PCDHGA5: variants seen among roughly 807,000 people sequenced by gnomAD.
The protein encoded by PCDHGA5 is protocadherin gamma-A5.
In PCDHGA5, 36 loss-of-function variants were observed where a neutral mutation model predicts 56.7. That is an observed-to-expected ratio of 0.64 (90% CI 0.49 to 0.84). PCDHGA5 has a LOEUF of 0.84. Ranked by LOEUF, PCDHGA5 falls within the 40% of genes least tolerant of loss-of-function variation. The pLI, the probability that PCDHGA5 is intolerant of heterozygous loss-of-function variation, is 0.00. For missense variants in PCDHGA5, 1,305 were observed against 1,201.5 expected (o/e 1.09, Z -1.27); for synonymous variants, 563 against 520.2 (o/e 1.08, Z -1.12).
chr5:141,372,295 A>T (rs747911536), intron 1 of PCDHGA5: 2 of 1,613,304 alleles, frequency 1.2e-6, no homozygotes, highest in Non-Finnish European at 1.7e-6. Context: ...ACCTTGGGCG[A>T]CAGGGAGGCC....
rs1476081470 is a variant in PCDHGA5, at chr5:141,432,757, C to G, written c.2422-62050C>G. 2.5e-6 allele frequency: 4 copies of G among 1,614,150 alleles called. No homozygotes were observed. The highest frequency in any genetic ancestry group is 1.3e-5 in the African/African-American group (1 of 75,076). ...TCACGCTCACCGTGGCCGTGGCCGA[C>G]AGCATCCCCCAAGTCCTGGCGGACC... On this transcript the variant is annotated intron_variant, in intron 1 of 3. Coordinates refer to ENST00000518069, the MANE Select transcript of PCDHGA5 (RefSeq NM_018918.3). This position sits in a 1 kb window ranked among gnomAD's most constrained non-coding sequence, Gnocchi z 6.0.
At position 141,489,562 on chromosome 5, in the gene PCDHGA5, G is replaced by A. The variant is rs770734883; in HGVS notation, c.2422-5245G>A. ...CACCAGCTGCCTGCTGCCAGTGCAG[G>A]TGGTGACTGAACACCCCCTGGAGCT... On this transcript the variant is annotated intron_variant, in intron 1 of 3. Coordinates refer to ENST00000518069, the MANE Select transcript of PCDHGA5 (RefSeq NM_018918.3). The surrounding 1 kb of genome is among the most constrained non-coding windows in gnomAD (Gnocchi z 4.5). 2 of 1,614,114 alleles carry A rather than the reference G, an allele frequency of 1.2e-6. No homozygotes were observed. Among genetic ancestry groups the A allele is most frequent in the Non-Finnish European group, 1.7e-6 (2 of 1,180,028 alleles).
chr5:141,370,882 G>T, intron 1 of PCDHGA5: 1 of 1,614,012 alleles, frequency 6.2e-7, no homozygotes, highest in Non-Finnish European at 8.5e-7. Context: ...CCTGATGTAG[G>T]TGTCAATTCG....
At chr5:141,423,227 A>C (rs1305722929) in intron 1 of PCDHGA5, 5 of 1,613,634 alleles carry the variant, frequency 3.1e-6, no homozygotes, top group Non-Finnish European at 2.5e-6. Context: ...GCTGTGGCCG[A>C]CAGCATCCCC....
At chr5:141,385,088 G>A in intron 1 of PCDHGA5, 2 of 1,614,226 alleles carry the variant, frequency 1.2e-6, no homozygotes, top group Non-Finnish European at 1.7e-6. Flanking sequence ...GCTTCAGAAG[G>A]TGGCTTGGCG....
intron 1 of PCDHGA5, among the ~76,000 whole-genome samples, chr5:141,464,197 G>A (rs1216682352): frequency 3.3e-5 from 5 of 151,394 alleles, no homozygotes; most frequent in African/African-American, 9.7e-5. Context: ...TTCAGGAGGC[G>A]GAGATTGCAG....
At position 141,365,948 on chromosome 5, in the gene PCDHGA5, C is replaced by A. The variant is rs761134623; in HGVS notation, c.1618C>A (p.Pro540Thr). The change falls in exon 1 of 4, where the codon CCT (proline) becomes ACT (threonine). Residue 540 changes from proline to threonine, a missense_variant. Pro to Thr is a conservative substitution (Grantham distance 38, BLOSUM62 -1). Coordinates refer to ENST00000518069, the MANE Select transcript of PCDHGA5 (RefSeq NM_018918.3). Reference sequence around the variant, plus strand: ...GGTGACAGCCAGCGACAGTGGGAACCCTCCACTTAGCAGCAACGTGTCGCT... The same window carrying A: ...GGTGACAGCCAGCGACAGTGGGAACACTCCACTTAGCAGCAACGTGTCGCT... Reference protein sequence around the residue: ...LWVTASDSGNPPLSSNVSLSL... With the variant: ...LWVTASDSGNTPLSSNVSLSL... The A allele has an allele frequency of 1.2e-6, 2 of 1,614,186 alleles. No homozygotes were observed. Among genetic ancestry groups the A allele is most frequent in the Admixed American group, 3.3e-5 (2 of 60,024 alleles).
chr5:141,476,238 G>C lies in PCDHGA5; in HGVS notation c.2422-18569G>C, dbSNP rs764976894. ...ATTCACTATGAGATCCCGGAGGAAA[G>C]AGAGAAGGGTTTCGCTGTGGGCAAC... On this transcript the variant is annotated intron_variant, in intron 1 of 3. Coordinates refer to ENST00000518069, the MANE Select transcript of PCDHGA5 (RefSeq NM_018918.3). The surrounding 1 kb of genome is among the most constrained non-coding windows in gnomAD (Gnocchi z 7.6). 1 of 1,614,098 alleles carries C rather than the reference G, an allele frequency of 6.2e-7. No individual in the cohort carries two copies.
In PCDHGA5 at chr5:141,490,023, G is replaced by A. The variant is rs1306715385; in HGVS notation, c.2422-4784G>A. The A allele has an allele frequency of 1.2e-6, 2 of 1,614,134 alleles. No homozygotes were observed. Among genetic ancestry groups the A allele is most frequent in the Non-Finnish European group, 1.7e-6 (2 of 1,180,060 alleles). On this transcript the variant is annotated intron_variant, in intron 1 of 3. Transcript: ENST00000518069. This position sits in a 1 kb window ranked among gnomAD's most constrained non-coding sequence, Gnocchi z 5.4. ...AGAATGCACCCATTGGTACTCTGCT[G>A]CTCCGCCTCAATGCCACTGATCCAG... is the stretch of plus-strand genomic sequence containing the variant.
Position 141,490,711 on chromosome 5 carries a change from T to C in PCDHGA5, c.2422-4096T>C. ...CACTGGGGATAATGCCCGCCTCACC[T>C]ACTCCATTGTAGGAAATCAGGTTCA... On this transcript the variant is annotated intron_variant, in intron 1 of 3. Transcript: ENST00000518069. The surrounding 1 kb of genome is among the most constrained non-coding windows in gnomAD (Gnocchi z 5.4). The C allele has an allele frequency of 6.2e-7, 1 of 1,614,200 alleles. No individual in the cohort carries two copies. Among genetic ancestry groups the C allele is most frequent in the Non-Finnish European group, 8.5e-7 (1 of 1,180,002 alleles).
intron 1 of PCDHGA5, chr5:141,385,331 C>T (rs1235160402): frequency 6.3e-7 from 1 of 1,585,046 alleles, no homozygotes; most frequent in African/African-American, 1.4e-5. Flanking sequence ...CAGGTGAGCC[C>T]AGCCCTTCCT....
rs745612756 is a variant in PCDHGA5 at position 141,487,150 on chromosome 5, T to C, written c.2422-7657T>C. The C allele has an allele frequency of 1.1e-5, 17 of 1,613,960 alleles. No individual in the cohort carries two copies. In the South Asian group the frequency reaches 1.6e-4, roughly 16 times the overall value. On this transcript the variant is annotated intron_variant, in intron 1 of 3. Transcript: ENST00000518069. This position sits in a 1 kb window ranked among gnomAD's most constrained non-coding sequence, Gnocchi z 5.0. The stretch of plus-strand genomic sequence containing the variant: ...GTAGTCCACCACTCTCTACCTCTGT[T>C]ACTCTCTTAGTGTCCTTAGAGGAAG...
At chr5:141,399,653 TG>T in intron 1 of PCDHGA5, 1 of 1,613,606 alleles carries the variant, frequency 6.2e-7, no homozygotes, top group Non-Finnish European at 8.5e-7. Flanking sequence ...CAAAGTGGGG[TG>T]GTGTTCGCGC....
intron 1 of PCDHGA5, chr5:141,414,963 G>T (rs2095808106): frequency 1.1e-5 from 17 of 1,614,006 alleles, no homozygotes; most frequent in Non-Finnish European, 1.4e-5. Context: ...CCAAGGTGGT[G>T]GCGGTGGACA....
intron 1 of PCDHGA5, chr5:141,410,075 GAGGTGCGCAC>G: frequency 6.2e-7 from 1 of 1,612,898 alleles, no homozygotes; most frequent in East Asian, 2.2e-5. Context: ...GCGCACTGGG[GAGGTGCGCAC>G]GGCTCGAGCC....
chr5:141,370,832 T>C, intron 1 of PCDHGA5: 1 of 1,614,018 alleles, frequency 6.2e-7, no homozygotes. Flanking sequence ...GCGAACTGGC[T>C]CTCACTGGAG....
Position 141,423,666 on chromosome 5 carries a change from AT to A in PCDHGA5, c.2421+56918del, listed in dbSNP as rs1184681047. 2.7e-6 allele frequency: 4 copies of A among 1,494,382 alleles called. No individual in the cohort carries two copies. The South Asian group carries it at 5.0e-5, about 19-fold the overall frequency. The allele number at this position is 1,494,382 out of a possible 1,614,324, so 92.6% of individuals were successfully genotyped here. A position where few individuals can be genotyped will look rare whatever the true frequency, so the allele number is the denominator to read the frequency against. ...GTGACCCGACAAGTAATCAGGTGAGATTTATTTCTCTGCCTCCTAATTGTTG... is the reference window on the plus strand; with the variant it reads ...GTGACCCGACAAGTAATCAGGTGAGATTATTTCTCTGCCTCCTAATTGTTG... On this transcript the variant is annotated intron_variant, in intron 1 of 3. Coordinates refer to ENST00000518069, the MANE Select transcript of PCDHGA5 (RefSeq NM_018918.3).
In PCDHGA5 at chr5:141,454,796, A is replaced by ATTTTTTTTTTTTTTTTTTTTT. The variant is rs61612330; in HGVS notation, c.2422-40002_2422-39982dup. Reference sequence around the variant, plus strand: ...AAGGAAATAATCCTCCATGGTTCTAATTTTTTTTTTTTTTTTTTTTTTTTT... The same window carrying ATTTTTTTTTTTTTTTTTTTTT: ...AAGGAAATAATCCTCCATGGTTCTAATTTTTTTTTTTTTTTTTTTTTTTTTTTTTTTTTTTTTTTTTTTTTT... On this transcript the variant is annotated intron_variant, in intron 1 of 3. Transcript: ENST00000518069. Among the ~76,000 whole-genome samples, 10 of 77,454 alleles carry ATTTTTTTTTTTTTTTTTTTTT rather than the reference A, an allele frequency of 1.3e-4. 1 individual carries two copies. Among genetic ancestry groups the ATTTTTTTTTTTTTTTTTTTTT allele is most frequent in the Non-Finnish European group, 1.9e-4 (8 of 42,810 alleles). The allele number at this position is 77,454 out of a possible 152,430, so 50.8% of individuals were successfully genotyped here. A position where few individuals can be genotyped will look rare whatever the true frequency, so the allele number is the denominator to read the frequency against.
Position 141,415,739 on chromosome 5 carries a change from GGTTTT to G in PCDHGA5, c.2421+48989_2421+48993del, listed in dbSNP as rs2095909931. ...ATGAGTAGAATTTGATGTTTATTAA[GGTTTT>G]TTTTTTTTTTTTTTTTTTTTTTTTT... On this transcript the variant is annotated intron_variant, in intron 1 of 3. Transcript: ENST00000518069. 124 of 435,052 alleles carry G rather than the reference GGTTTT, an allele frequency of 2.9e-4. No homozygotes were observed. The African/African-American group carries it at 3.6e-3, about 13-fold the overall frequency. 26.9% of individuals were successfully genotyped at this position (435,052 alleles called of 1,614,324 possible).
Sources: gnomAD v4.1 joint callset for allele counts (sites outside exome capture counted in the v4.1 genomes callset) on GRCh38, gnomAD v4.1.1 for gene constraint, Gnocchi (gnomAD v3.1) non-coding constraint, MANE v1.5 for transcripts, NCBI Gene and HGNC (gene_info 2026-07-23, HGNC 2026-07-21) for gene names.